Variants in PCLO observed in about 807,000 individuals in gnomAD.
PCLO encodes the protein protein piccolo.
In PCLO, 82 loss-of-function variants were observed where a neutral mutation model predicts 427.5. The observed-to-expected ratio is 0.19, with a 90% CI of 0.16 to 0.23. The LOEUF (loss-of-function observed/expected upper bound fraction) is 0.23, where lower values mean the gene tolerates loss of function less well. PCLO is among the 10% of genes least tolerant of loss of function. PCLO has a pLI of 1.00. For synonymous variants in PCLO, 2,357 were observed against 2,155.4 expected (o/e 1.09, Z -2.59); for missense variants, 6,239 against 6,115.9 (o/e 1.02, Z -0.67).
intron 3 of PCLO, among the ~76,000 whole-genome samples, chr7:83,085,461 CCAGA>C (rs1157064186): frequency 1.3e-5 from 2 of 152,122 alleles, no homozygotes; most frequent in Non-Finnish European, 2.9e-5. Context: ...GGTTTCACAA[CCAGA>C]CAGTCTGCCA....
chr7:82,977,412 A>C (rs1796044569), intron 3 of PCLO, among the ~76,000 whole-genome samples: 1 of 145,270 alleles, frequency 6.9e-6, no homozygotes, highest in Non-Finnish European at 1.5e-5. Context: ...TTATTTATTT[A>C]TTTATTTATT....
chr7:82,800,789 T>C (rs1451008116), intron 22 of PCLO, among the ~76,000 whole-genome samples: 6 of 151,906 alleles, frequency 3.9e-5, no homozygotes, highest in Non-Finnish European at 8.8e-5. Context: ...AGAGATGGGG[T>C]TTCGCCATGT....
At chr7:83,153,339 T>C (rs1792185597) in intron 2 of PCLO, among the ~76,000 whole-genome samples, 1 of 152,052 alleles carries the variant, frequency 6.6e-6, no homozygotes, top group East Asian at 1.9e-4. Context: ...CTTGAAAAGT[T>C]AAATTACTCA....
At chr7:83,028,742 A>G (rs1452235448) in intron 3 of PCLO, among the ~76,000 whole-genome samples, 13 of 151,170 alleles carry the variant, frequency 8.6e-5, no homozygotes. Flanking sequence ...ACAGCATGGT[A>G]CTGGTACCAA....
At chr7:83,142,916 C>A (rs1259262787) in intron 2 of PCLO, among the ~76,000 whole-genome samples, 1 of 152,040 alleles carries the variant, frequency 6.6e-6, no homozygotes, top group Non-Finnish European at 1.5e-5. Context: ...TGAGATCATG[C>A]CACTGCAATC....
chr7:82,944,734 T>C (rs775876376), intron 6 of PCLO, among the ~76,000 whole-genome samples: 1 of 152,200 alleles, frequency 6.6e-6, no homozygotes, highest in Non-Finnish European at 1.5e-5. Flanking sequence ...TAATGATAGT[T>C]GGTGACTTTT....
chr7:83,136,011 T>A (rs1791718737), intron 2 of PCLO, among the ~76,000 whole-genome samples: 2 of 151,406 alleles, frequency 1.3e-5, no homozygotes, highest in South Asian at 4.2e-4. Flanking sequence ...GGCAAAAAAA[T>A]CACTTGAATC....
intron 3 of PCLO, among the ~76,000 whole-genome samples, chr7:83,007,224 T>C (rs915982053): frequency 6.6e-6 from 1 of 151,280 alleles, no homozygotes; most frequent in Non-Finnish European, 1.5e-5. Context: ...AGCAAACAAT[T>C]CCCAAGGGAA....
intron 9 of PCLO, among the ~76,000 whole-genome samples, chr7:82,893,727 T>C (rs1793833683): frequency 6.6e-6 from 1 of 152,042 alleles, no homozygotes; most frequent in African/African-American, 2.4e-5. Flanking sequence ...ATTTATGAAA[T>C]ATTGATAAAA....
Position 82,822,590 on chromosome 7 carries a change from T to G in PCLO, c.14696A>C (p.Gln4899Pro). 1.9e-6 allele frequency: 3 copies of G among 1,613,874 alleles called. No homozygotes were observed. The highest frequency in any genetic ancestry group is 2.5e-6 in the Non-Finnish European group (3 of 1,179,866). The change falls in exon 20 of 25, where the codon CAA (glutamine) becomes CCA (proline). Residue 4899 changes from glutamine (Q) to proline (P), a missense_variant. Gln to Pro is a moderately conservative substitution (Grantham distance 76). This residue lies in a region of PCLO where 877 missense variants were observed against 925.5 expected (regional missense o/e 0.95). Transcript: ENST00000333891. Reference sequence around the variant, plus strand: ...GGTCTGAGTGACGCTGGTTTTGCTTTGACTGCGAGATGGTCCATGAGAACG... The same window carrying G: ...GGTCTGAGTGACGCTGGTTTTGCTTGGACTGCGAGATGGTCCATGAGAACG... The part of the protein sequence containing the change: ...HLRSHGPSRS[Q>P]SKTSVTQTHL...
intron 3 of PCLO, among the ~76,000 whole-genome samples, chr7:83,019,993 G>A (rs1034631231): frequency 6.6e-6 from 1 of 152,112 alleles, no homozygotes; most frequent in Non-Finnish European, 1.5e-5. Context: ...AGAAGTAAGA[G>A]TCTAAATGAT....
At chr7:82,968,460 T>A (rs552156883) in intron 3 of PCLO, among the ~76,000 whole-genome samples, 1 of 152,204 alleles carries the variant, frequency 6.6e-6, no homozygotes, top group African/African-American at 2.4e-5. Flanking sequence ...ATAACATGGT[T>A]TTAAAAACTA....
rs61995904 is a variant in PCLO, at chr7:82,952,241, C to T, written c.8712G>A (p.Lys2904=). 3,642 of 1,613,866 alleles carry T rather than the reference C, an allele frequency of 2.3e-3. 63 individuals carry two copies. In the African/African-American group the frequency reaches 0.038, roughly 17 times the overall value. Residue 2904 remains lysine (K), a synonymous_variant, in exon 5 of 25, where the codon AAG becomes AAA. Coordinates refer to ENST00000333891, the MANE Select transcript of PCLO (RefSeq NM_033026.6). ...CCATTGTTACGACTGTTCTGTGAGACTTGGTTGTACTGAGATCCACTACTT... is the reference window on the plus strand; with the variant it reads ...CCATTGTTACGACTGTTCTGTGAGATTTGGTTGTACTGAGATCCACTACTT... The part of the protein sequence containing the change: ...DGEVVDLSTT[K]SHRTVVTMDE...
rs1325506721 is a variant in PCLO at position 83,135,452 on chromosome 7, G to A, written c.2098C>T (p.Pro700Ser). Residue 700 changes from proline to serine, a missense_variant, in exon 3 of 25, where the codon CCT (proline) becomes TCT (serine). Coordinates refer to ENST00000333891, the MANE Select transcript of PCLO (RefSeq NM_033026.6). ...TTCACTAGTGGTGGTGGCTTTTTAG[G>A]CTCAGGTGCCTTGGAGAGATCCTGT... Reference protein sequence around the residue: ...PKQDLSKAPEPKKPPPLVKQP... With the variant: ...PKQDLSKAPESKKPPPLVKQP... The A allele has an allele frequency of 1.2e-6, 2 of 1,613,754 alleles. No individual in the cohort carries two copies. Among genetic ancestry groups the A allele is most frequent in the South Asian group, 1.1e-5 (1 of 91,066 alleles).
chr7:82,825,982 C>G (rs1791933633), intron 18 of PCLO, among the ~76,000 whole-genome samples: 1 of 149,350 alleles, frequency 6.7e-6, no homozygotes, highest in African/African-American at 2.4e-5. Flanking sequence ...ATCACAAGAT[C>G]TGTTCATGCT....
intron 3 of PCLO, among the ~76,000 whole-genome samples, chr7:83,038,075 A>ATATATT (rs1788870453): frequency 2.1e-5 from 1 of 48,396 alleles, no homozygotes; most frequent in African/African-American, 7.5e-5. Flanking sequence ...TTATATATTT[A>ATATATT]TATATATATC....
At chr7:83,047,116 A>C (rs1397492613) in intron 3 of PCLO, among the ~76,000 whole-genome samples, 1 of 152,102 alleles carries the variant, frequency 6.6e-6, no homozygotes, top group Non-Finnish European at 1.5e-5. Context: ...GTAGATAAGC[A>C]AGGCAAAGAA....
rs2116618313 is a variant in PCLO, at chr7:83,135,258, A to T, written c.2292T>A (p.Thr764=). 6.2e-7 allele frequency: 1 copy of T among 1,613,906 alleles called. No individual in the cohort carries two copies. The highest frequency in any genetic ancestry group is 1.3e-5 in the African/African-American group (1 of 75,002). The change falls in exon 3 of 25, where the codon ACT becomes ACA. Residue 764 remains threonine, a synonymous_variant. Coordinates refer to ENST00000333891, the MANE Select transcript of PCLO (RefSeq NM_033026.6). ...TTGCTGATGATGAAGATACAAGGTCAGTGGTTGGCTTTACCATCTTGGGCT... is the reference window on the plus strand; with the variant it reads ...TTGCTGATGATGAAGATACAAGGTCTGTGGTTGGCTTTACCATCTTGGGCT... ...PKQPKMVKPT[T]DLVSSSSATT... is the part of the protein sequence containing the mutation.
At chr7:82,940,829 C>G (rs148554139) in intron 6 of PCLO, among the ~76,000 whole-genome samples, 1,482 of 133,552 alleles carry the variant, frequency 0.011, 29 homozygotes, top group African/African-American at 0.04. Flanking sequence ...GTGGTGAGAT[C>G]TCGGCTCACT....
Sources: allele counts gnomAD v4.1 joint callset (sites outside exome capture counted in the v4.1 genomes callset), GRCh38; gene constraint gnomAD v4.1.1; regional missense constraint gnomAD v4.1.1; transcripts MANE v1.5; gene names NCBI Gene and HGNC (gene_info 2026-07-23, HGNC 2026-07-21).